Variants in KIAA1328 observed in about 807,000 individuals in gnomAD.
KIAA1328 encodes the protein KIAA1328.
A neutral mutation model predicts 68.1 loss-of-function variants in KIAA1328; 52 were observed. That is an observed-to-expected ratio of 0.76 (90% CI 0.61 to 0.96). The LOEUF (loss-of-function observed/expected upper bound fraction) is 0.96, where lower values mean the gene tolerates loss of function less well. KIAA1328 is among the 40% of genes least tolerant of loss of function. The pLI is 0.00. For missense variants in KIAA1328, 641 were observed against 677.6 expected (o/e 0.95, Z 0.60); for synonymous variants, 232 against 239.4 (o/e 0.97, Z 0.28).
intron 2 of KIAA1328, among the ~76,000 whole-genome samples, chr18:36,834,756 G>C (rs1022474743): frequency 6.6e-6 from 1 of 152,102 alleles, no homozygotes; most frequent in Non-Finnish European, 1.5e-5. Context: ...ACTATTGAAG[G>C]CACCCTCATT....
intron 7 of KIAA1328, among the ~76,000 whole-genome samples, chr18:37,068,816 G>T (rs1330147295): frequency 6.6e-6 from 1 of 151,754 alleles, no homozygotes; most frequent in African/African-American, 2.4e-5. Context: ...GTAGAGACAG[G>T]CTCTCACTCT....
intron 6 of KIAA1328, among the ~76,000 whole-genome samples, chr18:36,978,346 T>C (rs1347253956): frequency 6.6e-6 from 1 of 152,192 alleles, no homozygotes; most frequent in Non-Finnish European, 1.5e-5. Context: ...AAAACAGATG[T>C]TCAGCATGAA....
At chr18:37,169,398 C>T (rs2059455420) in intron 8 of KIAA1328, among the ~76,000 whole-genome samples, 1 of 152,088 alleles carries the variant, frequency 6.6e-6, no homozygotes. Context: ...AACACTTCAC[C>T]TCATTGTTCA....
At chr18:37,158,211 T>A (rs774524541) in intron 7 of KIAA1328, among the ~76,000 whole-genome samples, 2 of 152,038 alleles carry the variant, frequency 1.3e-5, no homozygotes, top group Non-Finnish European at 2.9e-5. Flanking sequence ...TTAAAACAAT[T>A]TTTTTTCTTT....
At chr18:36,999,974 C>G (rs1351041217) in intron 6 of KIAA1328, among the ~76,000 whole-genome samples, 2 of 151,478 alleles carry the variant, frequency 1.3e-5, no homozygotes, top group African/African-American at 4.9e-5. Context: ...AATCAGAAAA[C>G]CATTAACAAT....
intron 5 of KIAA1328, among the ~76,000 whole-genome samples, chr18:36,918,167 C>G (rs2049780203): frequency 6.6e-6 from 1 of 151,568 alleles, no homozygotes; most frequent in South Asian, 2.1e-4. Flanking sequence ...ATAAATATTC[C>G]CCCCCTTTTT....
intron 9 of KIAA1328, among the ~76,000 whole-genome samples, chr18:37,194,533 T>C (rs1003175371): frequency 6.6e-6 from 1 of 152,196 alleles, no homozygotes; most frequent in South Asian, 2.1e-4. Context: ...TTGTGTAGCA[T>C]TTTTTCCAGG....
chr18:36,935,830 C>A (rs919638430), intron 5 of KIAA1328, among the ~76,000 whole-genome samples: 1 of 151,964 alleles, frequency 6.6e-6, no homozygotes, highest in Admixed American at 6.6e-5. Context: ...TCAAAGAATT[C>A]CTAGGTTCTT....
chr18:37,144,898 T>C (rs2058860352), intron 7 of KIAA1328, among the ~76,000 whole-genome samples: 1 of 152,180 alleles, frequency 6.6e-6, no homozygotes, highest in Admixed American at 6.5e-5. Flanking sequence ...AAATATTTAC[T>C]AACTTATCCT....
intron 6 of KIAA1328, among the ~76,000 whole-genome samples, chr18:36,994,371 ATCT>A (rs1307177097): frequency 1.3e-5 from 2 of 152,182 alleles, no homozygotes; most frequent in Non-Finnish European, 2.9e-5. Flanking sequence ...TTTTTAGATC[ATCT>A]TCTTCAGTGG....
At chr18:36,912,116 T>C (rs2049476839) in intron 5 of KIAA1328, among the ~76,000 whole-genome samples, 2 of 152,200 alleles carry the variant, frequency 1.3e-5, no homozygotes. Context: ...ATTTTCTGTT[T>C]ATATGCATTC....
At chr18:37,003,264 CTTGGACAT>C (rs1242347099) in intron 6 of KIAA1328, among the ~76,000 whole-genome samples, 1 of 152,050 alleles carries the variant, frequency 6.6e-6, no homozygotes, top group Non-Finnish European at 1.5e-5. Context: ...GGTAAACTCT[CTTGGACAT>C]TTGTCTAGAC....
At chr18:36,994,934 C>T (rs373733118) in intron 6 of KIAA1328, among the ~76,000 whole-genome samples, 2,723 of 115,278 alleles carry the variant, frequency 0.024, 54 homozygotes, top group Non-Finnish European at 0.03. Context: ...CCAATTCATT[C>T]ACCCACTATT....
intron 7 of KIAA1328, among the ~76,000 whole-genome samples, chr18:37,102,324 G>A (rs1000760952): frequency 6.6e-6 from 1 of 152,168 alleles, no homozygotes; most frequent in Non-Finnish European, 1.5e-5. Flanking sequence ...TGGATGCTGG[G>A]CTTAATACCT....
At chr18:36,943,266 T>C (rs763468746) in intron 5 of KIAA1328, among the ~76,000 whole-genome samples, 1 of 152,218 alleles carries the variant, frequency 6.6e-6, no homozygotes, top group Admixed American at 6.5e-5. Flanking sequence ...AACAAAAATT[T>C]TGTTTGTAGT....
At chr18:36,967,490 G>T (rs2051990603) in intron 6 of KIAA1328, among the ~76,000 whole-genome samples, 1 of 152,196 alleles carries the variant, frequency 6.6e-6, no homozygotes. Context: ...CTACATAACT[G>T]TGAGCTAATG....
At chr18:37,060,949 C>G (rs777978631) in intron 6 of KIAA1328, among the ~76,000 whole-genome samples, 6 of 152,142 alleles carry the variant, frequency 3.9e-5, no homozygotes, top group African/African-American at 1.4e-4. Flanking sequence ...AACCGTGTCT[C>G]TACTAAAATA....
At chr18:36,986,395 AG>A in intron 6 of KIAA1328, among the ~76,000 whole-genome samples, 1 of 150,624 alleles carries the variant, frequency 6.6e-6, no homozygotes, top group Non-Finnish European at 1.5e-5. Context: ...AAGAAAACCT[AG>A]GCATTACCAT....
At chr18:37,179,575 TAGA>T in intron 9 of KIAA1328, among the ~76,000 whole-genome samples, 1 of 152,310 alleles carries the variant, frequency 6.6e-6, no homozygotes, top group South Asian at 2.1e-4. Context: ...CACAGCTGAC[TAGA>T]AGGTGGCTTG....
Sources: allele counts gnomAD v4.1 joint callset (sites outside exome capture counted in the v4.1 genomes callset), GRCh38; gene constraint gnomAD v4.1.1; transcripts MANE v1.5; gene names NCBI Gene and HGNC (gene_info 2026-07-23, HGNC 2026-07-21).